The following RAB23 variants were observed in gnomAD, a reference collection of about 807,000 sequenced individuals.
RAB23 encodes RAB23, member RAS oncogene family.
A neutral mutation model predicts 30.0 loss-of-function variants in RAB23; 15 were observed. That is an observed-to-expected ratio of 0.50 (90% CI 0.33 to 0.77). RAB23 has a LOEUF of 0.77. Ranked by LOEUF, RAB23 falls within the 30% of genes least tolerant of loss-of-function variation. RAB23 has a pLI of 0.02. For missense variants in RAB23, 243 were observed against 275.4 expected, an observed-to-expected ratio of 0.88 and a Z score of 0.83; for synonymous variants, 93 against 94.0, an observed-to-expected ratio of 0.99 and a Z score of 0.06.
intron 1 of RAB23, 121 bp from the exon 2 acceptor site, chr6:57,210,566 C>T (rs1469835125): frequency 1.5e-6 from 1 of 662,684 alleles, no homozygotes; most frequent in East Asian, 2.7e-5. Context: ...GAGGTCCCTC[C>T]CACTCTCTTT....
rs1764794622 is a variant in RAB23, at chr6:57,190,451, C to T, written c.*10G>A. The T allele has an allele frequency of 6.2e-7, 1 of 1,613,654 alleles. No individual in the cohort carries two copies. On this transcript the variant is annotated 3_prime_UTR_variant, in exon 7 of 7. Coordinates refer to ENST00000468148, the MANE Select transcript of RAB23 (RefSeq NM_016277.5). Reference sequence around the variant, plus strand: ...ACAATGTAATTCAATTGTTTTCCTCCCAAAACATCTTAGGGTATGCTACAG... The same window carrying T: ...ACAATGTAATTCAATTGTTTTCCTCTCAAAACATCTTAGGGTATGCTACAG...
chr6:57,217,587 C>T (rs570699368), intron 1 of RAB23, among the ~76,000 whole-genome samples: 3 of 152,144 alleles, frequency 2.0e-5, no homozygotes, highest in South Asian at 2.1e-4. Flanking sequence ...GGACTACAGG[C>T]GTGAGCCACC....
Position 57,187,718 on chromosome 6 carries a change from A to C in RAB23, c.*2743T>G, listed in dbSNP as rs1425804280. On this transcript the variant is annotated 3_prime_UTR_variant, in exon 7 of 7. Transcript: ENST00000468148. ...TCTTCAGAAAAGGTCCAGTTTCCTA[A>C]AACTCACAGGTCCAAGGAGTACATG... The C allele has an allele frequency of 6.6e-6, 1 of 152,152 alleles. No individual in the cohort carries two copies. The highest frequency in any genetic ancestry group is 6.5e-5 in the Admixed American group (1 of 15,272). The allele number at this position is 152,152 out of a possible 1,614,324, so 9.4% of individuals were successfully genotyped here. A position where few individuals can be genotyped will look rare whatever the true frequency, so the allele number is the denominator to read the frequency against.
At chr6:57,220,722 T>C (rs1340595036) in intron 1 of RAB23, among the ~76,000 whole-genome samples, 2 of 152,198 alleles carry the variant, frequency 1.3e-5, no homozygotes, top group Non-Finnish European at 2.9e-5. Flanking sequence ...TATGATATAA[T>C]GGGATCACAT....
chr6:57,203,440 C>T (rs559764132), intron 3 of RAB23, among the ~76,000 whole-genome samples: 4 of 151,952 alleles, frequency 2.6e-5, no homozygotes, highest in African/African-American at 9.7e-5. Flanking sequence ...TATCTGTTTC[C>T]TCAAAAAAAA....
At chr6:57,193,955 C>A (rs750717648) in intron 5 of RAB23, 21 bp from the exon 6 acceptor site, 6 of 1,605,406 alleles carry the variant, frequency 3.7e-6, no homozygotes, top group Non-Finnish European at 5.1e-6. Flanking sequence ...AAGAAAACAC[C>A]CAGAACCAGG....
intron 3 of RAB23, among the ~76,000 whole-genome samples, chr6:57,205,648 G>C (rs1462911696): frequency 6.6e-6 from 1 of 152,116 alleles, no homozygotes; most frequent in Non-Finnish European, 1.5e-5. Context: ...TAAACCTGAA[G>C]GCAAAAGGTC....
chr6:57,191,736 C>T (rs1328635376), intron 6 of RAB23, among the ~76,000 whole-genome samples: 1 of 152,186 alleles, frequency 6.6e-6, no homozygotes, highest in Admixed American at 6.5e-5. Flanking sequence ...AGGCATGAGC[C>T]ACCACACCTG....
intron 2 of RAB23, among the ~76,000 whole-genome samples, chr6:57,208,283 G>A (rs183743572): frequency 8.6e-4 from 131 of 152,196 alleles, no homozygotes; most frequent in African/African-American, 3.1e-3. Context: ...GTCAGTGCCT[G>A]TTCTCCTTTC....
intron 6 of RAB23, 24 bp downstream of exon 6, chr6:57,193,818 G>C (rs1395941836): frequency 6.2e-7 from 1 of 1,609,792 alleles, no homozygotes; most frequent in Non-Finnish European, 8.5e-7. Flanking sequence ...AGTAAACATG[G>C]GCTAAAATTT....
intron 2 of RAB23, 144 bp downstream of exon 2, chr6:57,210,082 T>C (rs1765596757): frequency 1.2e-6 from 1 of 823,880 alleles, no homozygotes; most frequent in Non-Finnish European, 2.0e-6. Context: ...ACATATGTCA[T>C]GAAAACCACC....
intron 3 of RAB23, among the ~76,000 whole-genome samples, chr6:57,201,082 CTCTCTT>C (rs373841335): frequency 0.025 from 3,719 of 149,798 alleles, 159 homozygotes; most frequent in African/African-American, 0.088. Flanking sequence ...GATTTTCTCT[CTCTCTT>C]TTTTTTTTTT....
At chr6:57,199,073 A>G (rs1007462570) in intron 3 of RAB23, among the ~76,000 whole-genome samples, 1 of 152,250 alleles carries the variant, frequency 6.6e-6, no homozygotes, top group Non-Finnish European at 1.5e-5. Flanking sequence ...AGGGAGGTAA[A>G]TAAACAAACC....
At chr6:57,220,508 C>T (rs1379873546) in intron 1 of RAB23, among the ~76,000 whole-genome samples, 1 of 152,110 alleles carries the variant, frequency 6.6e-6, no homozygotes, top group Non-Finnish European at 1.5e-5. Flanking sequence ...CAATGTCCTT[C>T]CATGGGCAGA....
In RAB23 at chr6:57,188,740, A is replaced by AATAG. The variant is rs1393565882; in HGVS notation, c.*1717_*1720dup. The AATAG allele has an allele frequency of 2.0e-5, 3 of 152,232 alleles. No homozygotes were observed. The highest frequency in any genetic ancestry group is 2.4e-5 in the African/African-American group (1 of 41,468). The allele number at this position is 152,232 out of a possible 1,614,324, so 9.4% of individuals were successfully genotyped here. On this transcript the variant is annotated 3_prime_UTR_variant, in exon 7 of 7. Transcript: ENST00000468148. ...AAATAAGCATTTTACATTACTGTGA[A>AATAG]ATAGATAATGCCAGATCATTTCAAT...
intron 2 of RAB23, 36 bp downstream of exon 2, chr6:57,210,190 A>G (rs1255491961): frequency 3.1e-6 from 5 of 1,602,680 alleles, no homozygotes; most frequent in East Asian, 2.2e-5. Flanking sequence ...TAGTTCACAA[A>G]TCAAAGCCAA....
intron 1 of RAB23, among the ~76,000 whole-genome samples, chr6:57,212,977 C>A (rs1211536069): frequency 6.6e-6 from 1 of 151,942 alleles, no homozygotes; most frequent in African/African-American, 2.4e-5. Context: ...TGGTTCCCAA[C>A]CATTTTGGCA....
At chr6:57,216,785 G>A (rs1276857302) in intron 1 of RAB23, among the ~76,000 whole-genome samples, 2 of 152,164 alleles carry the variant, frequency 1.3e-5, no homozygotes, top group Admixed American at 6.5e-5. Flanking sequence ...TCCCAGAACT[G>A]AGGGTTCCTC....
intron 3 of RAB23, among the ~76,000 whole-genome samples, chr6:57,198,769 G>C (rs1051217116): frequency 1.3e-5 from 2 of 151,962 alleles, no homozygotes; most frequent in African/African-American, 2.4e-5. Context: ...ATTTAAATTT[G>C]AGGGCACAAT....
Sources: allele counts gnomAD v4.1 joint callset (sites outside exome capture counted in the v4.1 genomes callset), GRCh38; gene constraint gnomAD v4.1.1; transcripts MANE v1.5; gene names NCBI Gene and HGNC (gene_info 2026-07-23, HGNC 2026-07-21).